SDC2: variants seen among roughly 807,000 people sequenced by gnomAD.
SDC2 encodes syndecan 2, also known as syndecan-2.
SDC2 carries 13 observed loss-of-function variants against 22.2 expected under a neutral mutation model. That is an observed-to-expected ratio of 0.59 (90% CI 0.38 to 0.93). SDC2 has a LOEUF of 0.93. Among genes scored for constraint, SDC2 ranks in the 40% least tolerant of loss-of-function variants. SDC2 has a pLI of 0.00. For synonymous variants in SDC2, 94 were observed against 92.8 expected (o/e 1.01, Z -0.07); for missense variants, 235 against 246.8 (o/e 0.95, Z 0.32).
intron 1 of SDC2, among the ~76,000 whole-genome samples, chr8:96,587,978 G>A (rs866592382): frequency 6.6e-6 from 1 of 152,154 alleles, no homozygotes; most frequent in African/African-American, 2.4e-5. Flanking sequence ...CCTGGAGATT[G>A]TTGAGATGAT....
chr8:96,530,224 A>G (rs994993485), intron 1 of SDC2, among the ~76,000 whole-genome samples: 1 of 152,214 alleles, frequency 6.6e-6, no homozygotes, highest in Admixed American at 6.5e-5. Context: ...GGGAATTAGA[A>G]AACTAATTGT....
intron 1 of SDC2, chr8:96,529,193 A>T (rs1030955330): frequency 6.6e-6 from 1 of 152,186 alleles, no homozygotes. Context: ...TAAATTCAAG[A>T]GGTGAGAGCT....
intron 1 of SDC2, among the ~76,000 whole-genome samples, 173 bp downstream of exon 1, chr8:96,494,504 C>T (rs767336754): frequency 1.6e-4 from 24 of 152,244 alleles, no homozygotes; most frequent in Non-Finnish European, 3.2e-4. Flanking sequence ...TCTTCCCTTC[C>T]TCAGAAAAGC....
At chr8:96,551,510 A>G (rs1182577134) in intron 1 of SDC2, among the ~76,000 whole-genome samples, 1 of 152,208 alleles carries the variant, frequency 6.6e-6, no homozygotes, top group Non-Finnish European at 1.5e-5. Flanking sequence ...TTTACAGGCG[A>G]AGAAACCGGA....
At chr8:96,535,667 G>C (rs1191078381) in intron 1 of SDC2, among the ~76,000 whole-genome samples, 1 of 152,214 alleles carries the variant, frequency 6.6e-6, no homozygotes, top group Non-Finnish European at 1.5e-5. Flanking sequence ...TAAATGTGAG[G>C]TGTCTGTATT....
At position 96,494,431 on chromosome 8, in the gene SDC2, G is replaced by C. The variant is rs1222283782; in HGVS notation, c.60+100G>C. The C allele has an allele frequency of 1.6e-5, 18 of 1,138,630 alleles. No individual in the cohort carries two copies. In the Admixed American group the frequency reaches 2.9e-4, roughly 18 times the overall value. The allele number at this position is 1,138,630 out of a possible 1,614,324, so 70.5% of individuals were successfully genotyped here. ...GGGAGCGCCACCTGGGGAACCCCCA[G>C]TCCCCAAGTATACACCGGAGATCCG... On this transcript the variant is annotated intron_variant, in intron 1 of 4. Coordinates refer to ENST00000302190, the MANE Select transcript of SDC2 (RefSeq NM_002998.4).
intron 1 of SDC2, among the ~76,000 whole-genome samples, chr8:96,566,099 C>T (rs1313392329): frequency 6.6e-6 from 1 of 152,184 alleles, no homozygotes. Context: ...AGTGAGCACT[C>T]ACTGGAATAG....
chr8:96,571,362 G>A (rs1268370179), intron 1 of SDC2, among the ~76,000 whole-genome samples: 1 of 152,176 alleles, frequency 6.6e-6, no homozygotes, highest in Non-Finnish European at 1.5e-5. Context: ...TAGGGAGGTG[G>A]GATGAAGTTA....
chr8:96,572,001 G>T (rs945886958), intron 1 of SDC2, among the ~76,000 whole-genome samples: 11 of 152,166 alleles, frequency 7.2e-5, no homozygotes, highest in Admixed American at 3.3e-4. Context: ...GGGAAGGGTT[G>T]TTAGGAAGGT....
At chr8:96,584,478 C>G (rs1426258901) in intron 1 of SDC2, among the ~76,000 whole-genome samples, 1 of 152,212 alleles carries the variant, frequency 6.6e-6, no homozygotes, top group African/African-American at 2.4e-5. Flanking sequence ...GACTCTGTTC[C>G]ATTATGGTAG....
At chr8:96,589,642 C>G (rs1194685470) in intron 1 of SDC2, among the ~76,000 whole-genome samples, 1 of 152,202 alleles carries the variant, frequency 6.6e-6, no homozygotes, top group Non-Finnish European at 1.5e-5. Context: ...AACTCCTGAC[C>G]TCAGGTGATC....
At chr8:96,581,158 A>C (rs1389696255) in intron 1 of SDC2, among the ~76,000 whole-genome samples, 1 of 152,228 alleles carries the variant, frequency 6.6e-6, no homozygotes, top group Non-Finnish European at 1.5e-5. Flanking sequence ...GTCACTAGTA[A>C]ATTACTATAA....
chr8:96,495,021 G>A (rs1813047348), intron 1 of SDC2, among the ~76,000 whole-genome samples: 3 of 152,250 alleles, frequency 2.0e-5, no homozygotes, highest in Admixed American at 2.0e-4. Flanking sequence ...TGGATTCCCA[G>A]TCCTGCGGCG....
At chr8:96,540,357 A>ATATATATATATATATATAT (rs1220674689) in intron 1 of SDC2, among the ~76,000 whole-genome samples, 3 of 82,162 alleles carry the variant, frequency 3.7e-5, no homozygotes, top group South Asian at 3.2e-4. Context: ...TATATATATA[A>ATATATATATATATATATAT]AAATTAGTCG....
intron 1 of SDC2, among the ~76,000 whole-genome samples, chr8:96,587,418 C>T (rs1267865356): frequency 6.6e-6 from 1 of 152,182 alleles, no homozygotes; most frequent in Non-Finnish European, 1.5e-5. Flanking sequence ...CTAGTAAAGA[C>T]AACAGTATGT....
chr8:96,522,817 C>T (rs1209885394), intron 1 of SDC2, among the ~76,000 whole-genome samples: 1 of 152,184 alleles, frequency 6.6e-6, no homozygotes. Flanking sequence ...TAAATCTGGT[C>T]CATGAACTGC....
chr8:96,517,771 ATGTGTGTG>A (rs34151563), intron 1 of SDC2, among the ~76,000 whole-genome samples: 52,083 of 149,306 alleles, frequency 0.35, 9,549 homozygotes, highest in Admixed American at 0.39. Flanking sequence ...GTGTGTGTGC[ATGTGTGTG>A]TGTGTGTGTG....
intron 1 of SDC2, among the ~76,000 whole-genome samples, chr8:96,571,628 T>C (rs768006598): frequency 1.1e-4 from 16 of 152,196 alleles, no homozygotes; most frequent in Admixed American, 3.3e-4. Flanking sequence ...GCTTTCTAAT[T>C]ATTTGCTAAT....
intron 1 of SDC2, among the ~76,000 whole-genome samples, chr8:96,579,351 T>G (rs1161092534): frequency 6.6e-6 from 1 of 152,278 alleles, no homozygotes; most frequent in East Asian, 1.9e-4. Flanking sequence ...CAAATTGCTT[T>G]GTCTGTGCAT....
Sources: gnomAD v4.1 joint callset for allele counts (sites outside exome capture counted in the v4.1 genomes callset) on GRCh38, gnomAD v4.1.1 for gene constraint, MANE v1.5 for transcripts, NCBI Gene and HGNC (gene_info 2026-07-23, HGNC 2026-07-21) for gene names.